APP: variants seen among roughly 807,000 people sequenced by gnomAD.
APP encodes amyloid-beta precursor protein.
Under a neutral mutation model 101.4 loss-of-function variants are expected in APP, and 31 were observed. The observed-to-expected ratio is 0.31, with a 90% CI of 0.23 to 0.41. The LOEUF (loss-of-function observed/expected upper bound fraction) is 0.41, where lower values mean the gene tolerates loss of function less well. Ranked by LOEUF, APP falls within the 10% of genes least tolerant of loss-of-function variation. The pLI is 1.00. For synonymous variants in APP, 366 were observed against 364.4 expected, an observed-to-expected ratio of 1.00 and a Z score of -0.05; for missense variants, 839 against 1,003.7, an observed-to-expected ratio of 0.84 and a Z score of 2.22.
intron 15 of APP, among the ~76,000 whole-genome samples, chr21:25,900,229 CTGTTAT>C (rs1190275808): frequency 6.6e-6 from 1 of 151,996 alleles, no homozygotes; most frequent in East Asian, 1.9e-4. Flanking sequence ...CACTCCTTTT[CTGTTAT>C]TAAGATCTGG....
chr21:26,123,188 G>A (rs181795059), intron 1 of APP, among the ~76,000 whole-genome samples: 4 of 152,186 alleles, frequency 2.6e-5, no homozygotes, highest in East Asian at 3.9e-4. Flanking sequence ...ACATTATATC[G>A]TCTGGTTTAT....
chr21:26,100,803 G>A (rs1355997341), intron 2 of APP, among the ~76,000 whole-genome samples: 1 of 152,142 alleles, frequency 6.6e-6, no homozygotes, highest in Non-Finnish European at 1.5e-5. Context: ...AACAGATAAT[G>A]TTAAATGGTG....
At chr21:25,929,338 G>A (rs2040041920) in intron 13 of APP, among the ~76,000 whole-genome samples, 1 of 151,598 alleles carries the variant, frequency 6.6e-6, no homozygotes. Context: ...GTAGAAAAAA[G>A]GAATGAGAAT....
chr21:25,901,993 C>A (rs1188366871), intron 15 of APP, among the ~76,000 whole-genome samples: 1 of 151,986 alleles, frequency 6.6e-6, no homozygotes, highest in African/African-American at 2.4e-5. Context: ...TCTATTTTTT[C>A]TTTGGAAGTA....
At chr21:25,932,181 A>G (rs931877333) in intron 13 of APP, among the ~76,000 whole-genome samples, 2 of 152,248 alleles carry the variant, frequency 1.3e-5, no homozygotes, top group Admixed American at 6.5e-5. Context: ...TCATTTTAGA[A>G]TAAGAATCCT....
chr21:25,904,991 T>C (rs200785502), intron 15 of APP, 33 bp downstream of exon 15: 1 of 1,605,042 alleles, frequency 6.2e-7, no homozygotes, highest in South Asian at 1.1e-5. Flanking sequence ...AGGCCCAAGA[T>C]GCGGAGAGGC....
chr21:25,982,388 C>T lies in APP; in HGVS notation c.1180G>A (p.Ala394Thr). 1 of 1,613,810 alleles carries T rather than the reference C, an allele frequency of 6.2e-7. No individual in the cohort carries two copies. Among genetic ancestry groups the T allele is most frequent in the Non-Finnish European group, 8.5e-7 (1 of 1,179,906 alleles). The change falls in exon 9 of 18, where the codon GCC (alanine) becomes ACC (threonine). Residue 394 changes from alanine to threonine, a missense_variant. Ala to Thr is a moderately conservative substitution (Grantham distance 58). Transcript: ENST00000346798. ...DENEHAHFQK[A>T]KERLEAKHRE... ...TGCTTGGCCTCAAGCCTCTCTTTGG[C>T]TTTCTGGAAATGGGCATGTTCATTC...
intron 1 of APP, among the ~76,000 whole-genome samples, chr21:26,154,638 A>ATT (rs2063339259): frequency 6.6e-6 from 1 of 152,224 alleles, no homozygotes; most frequent in Non-Finnish European, 1.5e-5. Flanking sequence ...TTAGTAACTA[A>ATT]AGGGGATGCA....
intron 2 of APP, among the ~76,000 whole-genome samples, chr21:26,095,756 C>G (rs1358958674): frequency 1.3e-5 from 2 of 152,118 alleles, no homozygotes; most frequent in South Asian, 4.1e-4. Flanking sequence ...GATAAAAGTT[C>G]CTTAAGCTGC....
chr21:25,913,582 T>C (rs1451112794), intron 13 of APP, among the ~76,000 whole-genome samples: 3 of 152,250 alleles, frequency 2.0e-5, no homozygotes, highest in Non-Finnish European at 2.9e-5. Flanking sequence ...TATTCTGGAA[T>C]ACTAATAATT....
intron 12 of APP, among the ~76,000 whole-genome samples, chr21:25,955,159 C>T (rs2041261193): frequency 1.3e-5 from 2 of 152,018 alleles, no homozygotes; most frequent in Non-Finnish European, 2.9e-5. Flanking sequence ...CTCTTTCATT[C>T]AAGAAAATGT....
intron 13 of APP, among the ~76,000 whole-genome samples, chr21:25,919,982 G>A (rs1311881056): frequency 8.6e-6 from 1 of 116,948 alleles, no homozygotes; most frequent in Non-Finnish European, 1.7e-5. Flanking sequence ...AGAGAGAAAG[G>A]TCGGGTTACC....
At chr21:26,120,989 C>T (rs1299221550) in intron 1 of APP, among the ~76,000 whole-genome samples, 1 of 150,010 alleles carries the variant, frequency 6.7e-6, no homozygotes, top group Non-Finnish European at 1.5e-5. Flanking sequence ...CACACGTAGG[C>T]TCCCGCCCAG....
chr21:26,165,260 C>G (rs1441201889), intron 1 of APP, among the ~76,000 whole-genome samples: 10 of 152,230 alleles, frequency 6.6e-5, no homozygotes, highest in Admixed American at 6.5e-4. Context: ...AACATCATCA[C>G]CATACATAGC....
rs534472369 is a variant in APP, at chr21:25,925,149, C to T, written c.1688-13187G>A. ...AAATGGGATGGACTAATTTTCCCTACCCAGGAGGCCCACTGTAAATCAAGC... is the reference window on the plus strand; with the variant it reads ...AAATGGGATGGACTAATTTTCCCTATCCAGGAGGCCCACTGTAAATCAAGC... On this transcript the variant is annotated intron_variant, in intron 13 of 17. Coordinates refer to ENST00000346798, the MANE Select transcript of APP (RefSeq NM_000484.4). Among the ~76,000 whole-genome samples the T allele has an allele frequency of 5.6e-4, 16 of 28,510 alleles. No homozygotes were observed. The East Asian group carries it at 0.017, about 30-fold the overall frequency. 18.7% of individuals were successfully genotyped at this position (28,510 alleles called of 152,430 possible).
chr21:26,092,603 A>G (rs1003684618), intron 2 of APP, among the ~76,000 whole-genome samples: 8 of 152,314 alleles, frequency 5.3e-5, no homozygotes, highest in Middle Eastern at 3.4e-3. Context: ...ACAATGATGG[A>G]CATATGTCAT....
intron 16 of APP, among the ~76,000 whole-genome samples, chr21:25,897,192 A>G (rs2038113340): frequency 6.6e-6 from 1 of 151,330 alleles, no homozygotes; most frequent in Admixed American, 6.6e-5. Context: ...AGCTCACTGC[A>G]ACCTCCACCT....
chr21:26,062,083 A>C (rs2046285739), intron 3 of APP, among the ~76,000 whole-genome samples: 1 of 151,900 alleles, frequency 6.6e-6, no homozygotes, highest in Non-Finnish European at 1.5e-5. Flanking sequence ...GTTGGCGCGC[A>C]CCTATAGTCC....
intron 8 of APP, among the ~76,000 whole-genome samples, chr21:25,990,009 A>T (rs2830002): frequency 0.01 from 1,523 of 152,044 alleles, 29 homozygotes; most frequent in African/African-American, 0.035. Flanking sequence ...ATTTATCCTA[A>T]CCATTAAGTC....
Sources: allele counts gnomAD v4.1 joint callset (sites outside exome capture counted in the v4.1 genomes callset), GRCh38; gene constraint gnomAD v4.1.1; transcripts MANE v1.5; gene names NCBI Gene and HGNC (gene_info 2026-07-23, HGNC 2026-07-21).